USP35: variants seen among roughly 807,000 people sequenced by gnomAD.
USP35 encodes ubiquitin specific peptidase 35.
In USP35, 69 loss-of-function variants were observed where a neutral mutation model predicts 83.8. The ratio of observed to expected loss-of-function variants is 0.82; its 90% CI spans 0.68 to 1.01. The LOEUF (loss-of-function observed/expected upper bound fraction) is 1.01. Among genes scored for constraint, USP35 ranks in the 50% least tolerant of loss-of-function variants. The pLI is 0.00. For missense variants in USP35, 1,503 were observed against 1,362.5 expected, an observed-to-expected ratio of 1.10 and a Z score of -1.62; for synonymous variants, 714 against 589.5, an observed-to-expected ratio of 1.21 and a Z score of -3.06.
Position 78,200,179 on chromosome 11 carries a change from C to G in USP35, c.983C>G (p.Ser328Cys). The part of the protein sequence containing the change: ...LYPIVRGAAL[S>C]VLKYMLLTFQ... ...CCCATCGTCCGGGGAGCTGCCTTGT[C>G]TGTGCTCAAGTACATGCTCCTGACC... The change falls in exon 5 of 11, where the codon TCT (serine) becomes TGT (cysteine). Residue 328 changes from serine (S) to cysteine (C), a missense_variant. By Grantham distance (112) the Ser-to-Cys change is moderately radical. Coordinates refer to ENST00000529308, the MANE Select transcript of USP35 (RefSeq NM_020798.4). The G allele has an allele frequency of 1.2e-6, 2 of 1,614,236 alleles. No individual in the cohort carries two copies. The highest frequency in any genetic ancestry group is 1.7e-5 in the Admixed American group (1 of 60,026).
intron 4 of USP35, among the ~76,000 whole-genome samples, 176 bp downstream of exon 4, chr11:78,199,900 A>G (rs1461653430): frequency 3.3e-5 from 5 of 152,080 alleles, no homozygotes; most frequent in South Asian, 2.1e-4. Flanking sequence ...TTCCCTGACT[A>G]CTCATCCAAG....
At chr11:78,226,580 A>G in the USP35 span, 2 of 1,058,712 alleles carry the variant, frequency 1.9e-6, no homozygotes, top group Admixed American at 4.6e-5. Flanking sequence ...TGCCCCATCG[A>G]GGTGTTTCTG....
At chr11:78,226,777 T>C in the USP35 span, 2 of 1,613,982 alleles carry the variant, frequency 1.2e-6, no homozygotes, top group Admixed American at 3.3e-5. Flanking sequence ...AGGGTGTTGC[T>C]GGGCGTCTTG....
chr11:78,189,335 C>T lies in USP35; in HGVS notation c.-11+178C>T, dbSNP rs148044589. 3.8e-3 allele frequency among the ~76,000 whole-genome samples: 583 copies of T among 152,322 alleles called. 9 individuals carry two copies. Among genetic ancestry groups the T allele is most frequent in the African/African-American group, 0.013 (547 of 41,580 alleles). On this transcript the variant is annotated intron_variant, in intron 1 of 10. Transcript: ENST00000529308. ...TAGCTATTCCTCTCTGGGCATTAATCCCCTCCCTTCATCAATTGTATGTCG... is the reference window on the plus strand; with the variant it reads ...TAGCTATTCCTCTCTGGGCATTAATTCCCTCCCTTCATCAATTGTATGTCG...
intron 10 of USP35, among the ~76,000 whole-genome samples, chr11:78,211,146 C>G (rs1384179165): frequency 1.3e-5 from 2 of 151,474 alleles, no homozygotes; most frequent in Non-Finnish European, 2.9e-5. Context: ...CCCACCCCCA[C>G]CAGGTGTCCA....
intron 1 of USP35, among the ~76,000 whole-genome samples, chr11:78,193,444 A>G (rs1370502074): frequency 1.4e-5 from 2 of 146,392 alleles, no homozygotes; most frequent in East Asian, 2.0e-4. Context: ...AGCTCAAGCC[A>G]TCTCCCCACC....
intron 2 of USP35, among the ~76,000 whole-genome samples, chr11:78,197,437 G>A (rs1863188342): frequency 6.6e-6 from 1 of 152,182 alleles, no homozygotes; most frequent in Non-Finnish European, 1.5e-5. Context: ...ATTGACAACA[G>A]TGGAACTTAG....
At chr11:78,198,573 C>G (rs1461803334) in intron 3 of USP35, 5 of 980,252 alleles carry the variant, frequency 5.1e-6, no homozygotes, top group Non-Finnish European at 6.1e-6. Flanking sequence ...CGCTCCCCTC[C>G]TCCCTGCAGG....
the USP35 span, among the ~76,000 whole-genome samples, chr11:78,229,691 A>G: frequency 1.3e-5 from 2 of 151,878 alleles, no homozygotes; most frequent in Non-Finnish European, 2.9e-5. Context: ...TTAAGCCCAA[A>G]CTCCTAGGTT....
chr11:78,209,430 C>G lies in USP35; in HGVS notation c.1593-18C>G. On this transcript the variant is annotated intron_variant, in intron 9 of 10. Coordinates refer to ENST00000529308, the MANE Select transcript of USP35 (RefSeq NM_020798.4). ...GGACCCGCATGTACATGTAGTGACT[C>G]TGTGCTCTCTGCCCCAGGCTGCACG... The G allele has an allele frequency of 2.5e-6, 4 of 1,577,470 alleles. No homozygotes were observed. Among genetic ancestry groups the G allele is most frequent in the African/African-American group, 1.3e-5 (1 of 74,324 alleles).
Position 78,213,965 on chromosome 11 carries a change from G to GGTCTTACTTCC in USP35, c.*152_*153insGTCTTACTTCC. On this transcript the variant is annotated 3_prime_UTR_variant, in exon 11 of 11. Transcript: ENST00000529308. ...TGAAGGGTACACAGAGATTCTCTCA[G>GGTCTTACTTCC]ATATGGAAGTAAGACCTAAGTCCCT... 1 of 822,970 alleles carries GGTCTTACTTCC rather than the reference G, an allele frequency of 1.2e-6. No homozygotes were observed. Among genetic ancestry groups the GGTCTTACTTCC allele is most frequent in the East Asian group, 3.3e-5 (1 of 29,858 alleles). 51.0% of individuals were successfully genotyped at this position (822,970 alleles called of 1,614,324 possible). A position where few individuals can be genotyped will look rare whatever the true frequency, so the allele number is the denominator to read the frequency against.
Position 78,196,858 on chromosome 11 carries a change from G to T in USP35, c.613G>T (p.Ala205Ser), listed in dbSNP as rs1863165659. The stretch of plus-strand genomic sequence containing the variant: ...CGGGCTCCTGGCGCAGCTGTGGCGC[G>T]CACAGCCCGCCGCCATCCTGCCCTG... ...VSGLLAQLWR[A>S]QPAAILPCLK... Residue 205 changes from alanine to serine, a missense_variant, in exon 2 of 11, where the codon GCA becomes TCA. By Grantham distance (99) the Ala-to-Ser change is moderately conservative. Transcript: ENST00000529308. The surrounding 1 kb of genome is among the most constrained non-coding windows in gnomAD (Gnocchi z 4.8). 16 of 1,498,760 alleles carry T rather than the reference G, an allele frequency of 1.1e-5. No homozygotes were observed. The highest frequency in any genetic ancestry group is 1.3e-5 in the Non-Finnish European group (15 of 1,128,640). 92.8% of individuals were successfully genotyped at this position (1,498,760 alleles called of 1,614,324 possible).
At chr11:78,223,481 G>A in the USP35 span, 1 of 1,603,120 alleles carries the variant, frequency 6.2e-7, no homozygotes, top group South Asian at 1.1e-5. Context: ...CTGGGGCCTC[G>A]GTGCACAGGA....
At chr11:78,203,897 T>C (rs1863445631) in intron 6 of USP35, among the ~76,000 whole-genome samples, 1 of 143,928 alleles carries the variant, frequency 6.9e-6, no homozygotes, top group South Asian at 2.2e-4. Context: ...CTTTTCTTTT[T>C]TTTTTTTTTT....
At position 78,214,377 on chromosome 11, in the gene USP35, T is replaced by TGGGGGGGGGGGGGG. The variant is rs139748612; in HGVS notation, c.*564_*565insGGGGGGGGGGGGGG. ...CCTTACCAAGCGCCACTGCATGGTT[T>TGGGGGGGGGGGGGG]TGGGGGGGGGGGCGGGGGGCTAGCT... On this transcript the variant is annotated 3_prime_UTR_variant, in exon 11 of 11. Coordinates refer to ENST00000529308, the MANE Select transcript of USP35 (RefSeq NM_020798.4). 3.8e-5 allele frequency: 2 copies of TGGGGGGGGGGGGGG among 52,906 alleles called. No homozygotes were observed. Among genetic ancestry groups the TGGGGGGGGGGGGGG allele is most frequent in the Non-Finnish European group, 8.9e-5 (2 of 22,400 alleles). 3.3% of individuals were successfully genotyped at this position (52,906 alleles called of 1,614,324 possible). A position where few individuals can be genotyped will look rare whatever the true frequency, so the allele number is the denominator to read the frequency against.
At chr11:78,215,431 C>A (rs1159721373), downstream of USP35, 1 of 152,472 alleles carries the variant, frequency 6.6e-6, no homozygotes, top group Non-Finnish European at 1.5e-5. Flanking sequence ...TCCCACCCAC[C>A]GGATAAATAT....
chr11:78,221,584 G>A, the USP35 span: 3 of 684,030 alleles, frequency 4.4e-6, no homozygotes, highest in South Asian at 5.7e-5. Context: ...TCCCTGGGCT[G>A]AGGTGAGTTA....
intron 3 of USP35, 117 bp from the exon 4 acceptor site, chr11:78,199,478 C>T (rs541543935): frequency 6.7e-7 from 1 of 1,496,594 alleles, no homozygotes; most frequent in East Asian, 2.3e-5. Context: ...CGGGGCTGCC[C>T]TTTGCAGGTG....
chr11:78,209,813 C>T lies in USP35; in HGVS notation c.1958C>T (p.Pro653Leu), dbSNP rs1863673994. The T allele has an allele frequency of 1.2e-6, 2 of 1,613,488 alleles. No homozygotes were observed. Among genetic ancestry groups the T allele is most frequent in the African/African-American group, 1.3e-5 (1 of 74,868 alleles). Residue 653 changes from proline (P) to leucine (L), a missense_variant, in exon 10 of 11, where the codon CCC becomes CTC. Pro to Leu is a moderately conservative substitution (Grantham distance 98). Coordinates refer to ENST00000529308, the MANE Select transcript of USP35 (RefSeq NM_020798.4). The part of the protein sequence containing the change: ...QRKHCITEDT[P>L]PTSLYIEGLD... ...AAACACTGCATCACAGAGGACACCC[C>T]CCCCACCAGCCTGTACATCGAAGGC... is the stretch of plus-strand genomic sequence containing the variant.
Sources: allele counts gnomAD v4.1 joint callset (sites outside exome capture counted in the v4.1 genomes callset), GRCh38; gene constraint gnomAD v4.1.1; non-coding constraint Gnocchi (gnomAD v3.1); transcripts MANE v1.5; gene names NCBI Gene and HGNC (gene_info 2026-07-23, HGNC 2026-07-21).